The following NALF1 variants were observed in gnomAD, a reference collection of about 807,000 sequenced individuals.
The protein encoded by NALF1 is NALCN channel auxiliary factor 1, also known as family with sequence similarity 155 member A.
NALF1 carries 3 observed loss-of-function variants against 48.4 expected under a neutral mutation model. The ratio of observed to expected loss-of-function variants is 0.06; its 90% CI spans 0.03 to 0.16. The LOEUF (loss-of-function observed/expected upper bound fraction) is 0.16, where lower values mean the gene tolerates loss of function less well. Among genes scored for constraint, NALF1 ranks in the 10% least tolerant of loss-of-function variants. The probability of loss-of-function intolerance (pLI) is 1.00; values close to 1 mark genes in which losing one functional copy is unlikely to be tolerated. For missense variants in NALF1, 526 were observed against 571.5 expected, an observed-to-expected ratio of 0.92 and a Z score of 0.81; for synonymous variants, 262 against 245.7, an observed-to-expected ratio of 1.07 and a Z score of -0.62.
At chr13:107,564,881 A>C (rs1877749547) in intron 1 of NALF1, among the ~76,000 whole-genome samples, 1 of 151,958 alleles carries the variant, frequency 6.6e-6, no homozygotes, top group Admixed American at 6.6e-5. Context: ...AAATTCCCCC[A>C]TACAGGTGAG....
intron 1 of NALF1, among the ~76,000 whole-genome samples, chr13:107,784,760 G>C (rs925084833): frequency 6.6e-6 from 1 of 152,062 alleles, no homozygotes; most frequent in Non-Finnish European, 1.5e-5. Flanking sequence ...GTAGATGTTG[G>C]CGTGGATGTG....
intron 1 of NALF1, among the ~76,000 whole-genome samples, chr13:107,624,338 A>G (rs1461571382): frequency 1.3e-5 from 2 of 152,182 alleles, no homozygotes; most frequent in East Asian, 1.9e-4. Context: ...CATAAGAAAC[A>G]AATGAAAGAG....
chr13:107,265,067 G>T (rs1430698875), intron 1 of NALF1, among the ~76,000 whole-genome samples: 3 of 152,198 alleles, frequency 2.0e-5, no homozygotes, highest in Non-Finnish European at 2.9e-5. Context: ...ATGAAAGCTA[G>T]ATGTTATCCA....
intron 1 of NALF1, among the ~76,000 whole-genome samples, chr13:107,802,448 CT>C (rs1396044208): frequency 2.0e-5 from 3 of 151,980 alleles, no homozygotes; most frequent in African/African-American, 7.2e-5. Context: ...AAATTATGGC[CT>C]TCTAAACATT....
chr13:107,186,610 C>T (rs1243935412), intron 2 of NALF1, among the ~76,000 whole-genome samples: 1 of 152,174 alleles, frequency 6.6e-6, no homozygotes, highest in African/African-American at 2.4e-5. Flanking sequence ...TTGTGATCTG[C>T]CCACCTCGGC....
chr13:107,508,984 A>G (rs1208436662), intron 1 of NALF1, among the ~76,000 whole-genome samples: 1 of 152,316 alleles, frequency 6.6e-6, no homozygotes, highest in South Asian at 2.1e-4. Context: ...CATCAAAATA[A>G]ATGATTATTT....
At chr13:107,575,955 G>A (rs1878130707) in intron 1 of NALF1, among the ~76,000 whole-genome samples, 1 of 150,002 alleles carries the variant, frequency 6.7e-6, no homozygotes, top group African/African-American at 2.4e-5. Flanking sequence ...ATGTGTATGT[G>A]TGTGTTGGGT....
At chr13:107,348,603 C>T (rs1050546707) in intron 1 of NALF1, among the ~76,000 whole-genome samples, 4 of 151,964 alleles carry the variant, frequency 2.6e-5, no homozygotes, top group Non-Finnish European at 5.9e-5. Context: ...TACCTCCCAC[C>T]CCCCGGCAGG....
intron 1 of NALF1, among the ~76,000 whole-genome samples, chr13:107,520,324 A>G (rs1352760047): frequency 1.3e-5 from 2 of 152,210 alleles, no homozygotes; most frequent in African/African-American, 4.8e-5. Flanking sequence ...AGTACAAATG[A>G]ATTTCAGGCC....
chr13:107,701,030 T>A (rs1396615588), intron 1 of NALF1, among the ~76,000 whole-genome samples: 1 of 152,164 alleles, frequency 6.6e-6, no homozygotes, highest in Non-Finnish European at 1.5e-5. Context: ...AGGACACTGT[T>A]AATGGGAATG....
chr13:107,796,277 C>T (rs1213472808), intron 1 of NALF1, among the ~76,000 whole-genome samples: 1 of 152,118 alleles, frequency 6.6e-6, no homozygotes, highest in Non-Finnish European at 1.5e-5. Context: ...TTTTTGTTCA[C>T]ATCAAATAAC....
chr13:107,781,170 T>G (rs145141244), intron 1 of NALF1, among the ~76,000 whole-genome samples: 2,885 of 152,294 alleles, frequency 0.019, 96 homozygotes, highest in African/African-American at 0.066. Context: ...ATTATATGGT[T>G]ATCATATGAA....
chr13:107,571,164 T>A (rs1745686458), intron 1 of NALF1, among the ~76,000 whole-genome samples: 1 of 152,222 alleles, frequency 6.6e-6, no homozygotes, highest in South Asian at 2.1e-4. Flanking sequence ...ATCCTTAGAA[T>A]TTCCTGAATG....
intron 1 of NALF1, among the ~76,000 whole-genome samples, chr13:107,335,056 C>A (rs1395689449): frequency 6.6e-6 from 1 of 152,092 alleles, no homozygotes; most frequent in Non-Finnish European, 1.5e-5. Flanking sequence ...GTGATCTCCT[C>A]AATACCACGG....
At chr13:107,528,549 G>A (rs571877789) in intron 1 of NALF1, among the ~76,000 whole-genome samples, 10 of 152,136 alleles carry the variant, frequency 6.6e-5, no homozygotes, top group Non-Finnish European at 1.2e-4. Context: ...AACAAGCCTC[G>A]AGGGGAATTG....
At chr13:107,562,735 T>C (rs1352417509) in intron 1 of NALF1, among the ~76,000 whole-genome samples, 1 of 152,238 alleles carries the variant, frequency 6.6e-6, no homozygotes, top group African/African-American at 2.4e-5. Context: ...TGCCTTGTGC[T>C]CCTGGCTAAA....
intron 2 of NALF1, among the ~76,000 whole-genome samples, chr13:107,198,506 T>A (rs867148735): frequency 1.3e-5 from 2 of 152,268 alleles, no homozygotes; most frequent in South Asian, 4.1e-4. Context: ...TTTTATTTCT[T>A]CCTGTCCTCT....
At chr13:107,283,132 A>G (rs17446175) in intron 1 of NALF1, among the ~76,000 whole-genome samples, 58,220 of 152,002 alleles carry the variant, frequency 0.38, 13,585 homozygotes, top group South Asian at 0.6. Context: ...CATTGGCCGC[A>G]CTGAGATTAT....
intron 1 of NALF1, among the ~76,000 whole-genome samples, chr13:107,459,641 G>A (rs1250305671): frequency 1.3e-5 from 2 of 152,242 alleles, no homozygotes; most frequent in East Asian, 3.9e-4. Context: ...AGCCACACAG[G>A]CCCTGAAGCA....
Sources: allele counts gnomAD v4.1 joint callset (sites outside exome capture counted in the v4.1 genomes callset), GRCh38; gene constraint gnomAD v4.1.1; transcripts MANE v1.5; gene names NCBI Gene and HGNC (gene_info 2026-07-23, HGNC 2026-07-21).